BANK1: variants seen among roughly 807,000 people sequenced by gnomAD.
BANK1 encodes B cell scaffold protein with ankyrin repeats 1.
BANK1 carries 95 observed loss-of-function variants against 94.5 expected under a neutral mutation model. That is an observed-to-expected ratio of 1.00 (90% confidence interval 0.85 to 1.19). BANK1 has a LOEUF of 1.19. Among genes scored for constraint, BANK1 ranks in the 50% most tolerant of loss-of-function variants. The pLI, the probability that BANK1 is intolerant of heterozygous loss-of-function variation, is 0.00. For synonymous variants in BANK1, 334 were observed against 308.4 expected (o/e 1.08, Z -0.87); for missense variants, 987 against 932.2 (o/e 1.06, Z -0.77).
At chr4:101,997,554 C>CTT (rs1026233789) in intron 7 of BANK1, among the ~76,000 whole-genome samples, 16 of 150,844 alleles carry the variant, frequency 1.1e-4, no homozygotes, top group African/African-American at 3.2e-4. Flanking sequence ...TGGTACTAGG[C>CTT]TTTTTTTTTA....
chr4:101,997,820 T>C lies in BANK1; in HGVS notation c.1207-23694T>C, dbSNP rs563930494. ...ATTTGATTCTTCTCTCTTTTCTTCT[T>C]AATTATTCTGGCTAGTAGTCTATTT... On this transcript the variant is annotated intron_variant, in intron 7 of 16. Coordinates refer to ENST00000322953, the MANE Select transcript of BANK1 (RefSeq NM_017935.5). 2.1e-3 allele frequency among the ~76,000 whole-genome samples: 314 copies of C among 152,312 alleles called. 3 individuals are homozygous for C. The highest frequency in any genetic ancestry group is 3.0e-3 in the Non-Finnish European group (202 of 68,028).
At chr4:101,928,842 C>T (rs532649703) in intron 7 of BANK1, among the ~76,000 whole-genome samples, 154 of 151,764 alleles carry the variant, frequency 1.0e-3, no homozygotes, top group Non-Finnish European at 1.8e-3. Flanking sequence ...CATTTGTTCA[C>T]GGCCCATTAT....
At chr4:101,799,152 A>C (rs566481162) in intron 1 of BANK1, among the ~76,000 whole-genome samples, 102 of 152,290 alleles carry the variant, frequency 6.7e-4, no homozygotes, top group African/African-American at 2.3e-3. Context: ...GGTGTAAGGA[A>C]GGGATCCAGT....
rs781234477 is a variant in BANK1, at chr4:101,790,948, C to G, written c.68C>G (p.Pro23Arg). 9.2e-6 allele frequency: 14 copies of G among 1,515,846 alleles called. No homozygotes were observed. The East Asian group carries it at 1.2e-4, about 13-fold the overall frequency. 93.9% of individuals were successfully genotyped at this position (1,515,846 alleles called of 1,614,324 possible). Residue 23 changes from proline (P) to arginine (R), a missense_variant and splice_region_variant, in exon 1 of 17, where the codon CCA (proline) becomes CGA (arginine). Pro to Arg is a moderately radical substitution (Grantham distance 103). Transcript: ENST00000322953. ...CCCGCCCCCTGCGGCCCAGCGCCCC[C>G]AGGTGGGTAGTCGCGCATTCGGAGG... is the stretch of plus-strand genomic sequence containing the variant. The part of the protein sequence containing the change: ...PDPAPCGPAP[P>R]GNTKDIIMIY...
Position 101,830,193 on chromosome 4 carries a change from T to G in BANK1, c.456T>G (p.Ser152Arg), listed in dbSNP as rs1051013211. Residue 152 changes from serine to arginine, a missense_variant, in exon 2 of 17, where the codon AGT becomes AGG. Ser to Arg is a moderately radical substitution (Grantham distance 110). Coordinates refer to ENST00000322953, the MANE Select transcript of BANK1 (RefSeq NM_017935.5). ...EPEDYISVIQSIIFKDSEDYF... is the reference protein window; with the variant it reads ...EPEDYISVIQRIIFKDSEDYF... ...AAGACTACATCTCTGTAATCCAGAG[T>G]ATCATATTCAAAGGTAGTGTTGCCA... is the stretch of plus-strand genomic sequence containing the variant. 4.7e-6 allele frequency: 7 copies of G among 1,500,816 alleles called. No individual in the cohort carries two copies. The African/African-American group carries it at 7.2e-5, about 15-fold the overall frequency. 93.0% of individuals were successfully genotyped at this position (1,500,816 alleles called of 1,614,324 possible).
chr4:101,921,442 G>A (rs1333163398), intron 7 of BANK1, among the ~76,000 whole-genome samples: 2 of 151,892 alleles, frequency 1.3e-5, no homozygotes, highest in Admixed American at 1.3e-4. Context: ...AATAAAACGT[G>A]CATGAAAAGT....
chr4:102,026,052 C>T (rs1727084549), intron 9 of BANK1, among the ~76,000 whole-genome samples: 1 of 152,150 alleles, frequency 6.6e-6, no homozygotes, highest in Non-Finnish European at 1.5e-5. Flanking sequence ...TGCACTGACA[C>T]CAAAGTTTAA....
In BANK1 at chr4:102,071,257, C is replaced by CT. The variant is rs762704898; in HGVS notation, c.2213-10dup. ...ATTGAACAAAACTCAGTAGAACATGCTTTTTTTTGTCTTCCAGATAAACTC... is the reference window on the plus strand; with the variant it reads ...ATTGAACAAAACTCAGTAGAACATGCTTTTTTTTTGTCTTCCAGATAAACTC... On this transcript the variant is annotated splice_polypyrimidine_tract_variant and intron_variant, in intron 13 of 16. Transcript: ENST00000322953. 4.5e-5 allele frequency: 73 copies of CT among 1,610,018 alleles called. No homozygotes were observed. Among genetic ancestry groups the CT allele is most frequent in the Middle Eastern group, 3.3e-4 (2 of 6,076 alleles).
At chr4:101,832,985 TC>T (rs1726680867) in intron 2 of BANK1, among the ~76,000 whole-genome samples, 1 of 151,864 alleles carries the variant, frequency 6.6e-6, no homozygotes, top group South Asian at 2.1e-4. Context: ...CAGGTTTCTT[TC>T]TTTTTTTTTT....
At chr4:101,922,464 C>T (rs1036144749) in intron 7 of BANK1, among the ~76,000 whole-genome samples, 2 of 151,820 alleles carry the variant, frequency 1.3e-5, no homozygotes, top group African/African-American at 4.8e-5. Flanking sequence ...CCTCCCCTCC[C>T]ACCATCAGGT....
At chr4:101,994,567 G>A (rs1407450460) in intron 7 of BANK1, among the ~76,000 whole-genome samples, 2 of 152,094 alleles carry the variant, frequency 1.3e-5, no homozygotes, top group Non-Finnish European at 2.9e-5. Flanking sequence ...ACATGCTGTT[G>A]TACATGGTGC....
intron 7 of BANK1, among the ~76,000 whole-genome samples, chr4:101,933,018 G>A (rs1056916712): frequency 1.1e-4 from 16 of 151,504 alleles, no homozygotes; most frequent in Admixed American, 5.3e-4. Flanking sequence ...ATTATCACCC[G>A]GAAAATGTAC....
At chr4:101,797,066 A>T (rs761842307) in intron 1 of BANK1, among the ~76,000 whole-genome samples, 1 of 152,196 alleles carries the variant, frequency 6.6e-6, no homozygotes, top group African/African-American at 2.4e-5. Flanking sequence ...GTCTTTTACC[A>T]GCCTATTTTT....
intron 1 of BANK1, among the ~76,000 whole-genome samples, chr4:101,822,679 A>C (rs1386738981): frequency 6.7e-6 from 1 of 149,694 alleles, no homozygotes; most frequent in East Asian, 2.0e-4. Context: ...GCGGTGGTGC[A>C]ATCTCCCTTC....
At chr4:101,852,607 C>A (rs1348246109) in intron 2 of BANK1, among the ~76,000 whole-genome samples, 1 of 150,102 alleles carries the variant, frequency 6.7e-6, no homozygotes, top group Non-Finnish European at 1.5e-5. Context: ...GAATAGGAGC[C>A]TACTAAATTG....
At chr4:101,826,352 A>G (rs1282465961) in intron 1 of BANK1, among the ~76,000 whole-genome samples, 2 of 152,070 alleles carry the variant, frequency 1.3e-5, no homozygotes, top group Non-Finnish European at 2.9e-5. Context: ...CCTGATTCTA[A>G]TACCACTTCA....
At chr4:101,836,974 C>T (rs1211765632) in intron 2 of BANK1, among the ~76,000 whole-genome samples, 1 of 152,278 alleles carries the variant, frequency 6.6e-6, no homozygotes, top group East Asian at 1.9e-4. Flanking sequence ...TCTTCCATTT[C>T]ACAGTCTACT....
At chr4:101,968,277 A>G (rs183720743) in intron 7 of BANK1, among the ~76,000 whole-genome samples, 2 of 152,258 alleles carry the variant, frequency 1.3e-5, no homozygotes, top group Admixed American at 6.5e-5. Context: ...AAATAAATAT[A>G]TAAGGAAGCC....
intron 10 of BANK1, among the ~76,000 whole-genome samples, chr4:102,032,941 C>T (rs986257399): frequency 1.3e-5 from 2 of 151,694 alleles, no homozygotes; most frequent in Non-Finnish European, 2.9e-5. Flanking sequence ...GGAAACTCTA[C>T]TTTTTAACTT....
Sources: allele counts gnomAD v4.1 joint callset (sites outside exome capture counted in the v4.1 genomes callset), GRCh38; gene constraint gnomAD v4.1.1; transcripts MANE v1.5; gene names NCBI Gene and HGNC (gene_info 2026-07-23, HGNC 2026-07-21).